Variants in IKZF2 observed in about 807,000 individuals in gnomAD.
The protein encoded by IKZF2 is zinc finger protein Helios.
In IKZF2, 15 loss-of-function variants were observed where a neutral mutation model predicts 49.2. That is an observed-to-expected ratio of 0.30 (90% confidence interval 0.20 to 0.47). The LOEUF is 0.47. Ranked by LOEUF, IKZF2 falls within the 20% of genes least tolerant of loss-of-function variation. IKZF2 has a pLI of 1.00. For missense variants in IKZF2, 567 were observed against 664.6 expected (o/e 0.85, Z 1.61); for synonymous variants, 227 against 221.4 (o/e 1.03, Z -0.23).
chr2:213,122,982 C>T (rs990497616), intron 4 of IKZF2, among the ~76,000 whole-genome samples: 1 of 152,148 alleles, frequency 6.6e-6, no homozygotes, highest in Non-Finnish European at 1.5e-5. Context: ...ATATGCTTCC[C>T]GGCACAATTC....
intron 4 of IKZF2, among the ~76,000 whole-genome samples, chr2:213,127,197 A>G (rs1403356910): frequency 6.6e-6 from 1 of 152,208 alleles, no homozygotes; most frequent in Non-Finnish European, 1.5e-5. Context: ...GAAAACTGTA[A>G]ATAAAATGGG....
intron 4 of IKZF2, among the ~76,000 whole-genome samples, chr2:213,117,913 C>T (rs2059929788): frequency 6.6e-6 from 1 of 152,112 alleles, no homozygotes; most frequent in Non-Finnish European, 1.5e-5. Flanking sequence ...TCTTTAACCC[C>T]TTCATTTTAT....
At position 213,128,808 on chromosome 2, in the gene IKZF2, T is replaced by TC. The variant is rs1453120573; in HGVS notation, c.139+18899_139+18900insG. On this transcript the variant is annotated intron_variant, in intron 4 of 8. Transcript: ENST00000434687. The stretch of plus-strand genomic sequence containing the variant: ...ACACCACACTAATTTTTTTTTCTTT[T>TC]TTTTTTTTTTTTTTTGTATTTTTAG... Among the ~76,000 whole-genome samples the TC allele has an allele frequency of 5.5e-5, 8 of 145,534 alleles. No homozygotes were observed. The East Asian group carries it at 7.9e-4, about 14-fold the overall frequency.
chr2:213,034,487 CA>C (rs1216023744), intron 6 of IKZF2, among the ~76,000 whole-genome samples: 1 of 152,040 alleles, frequency 6.6e-6, no homozygotes, highest in Non-Finnish European at 1.5e-5. Context: ...GGCCATTGTA[CA>C]GTTATTAAGT....
chr2:213,105,296 T>C (rs924754026), intron 4 of IKZF2, among the ~76,000 whole-genome samples: 8 of 152,076 alleles, frequency 5.3e-5, no homozygotes, highest in African/African-American at 1.9e-4. Context: ...GAAGATCCAA[T>C]CCTCTTCTCC....
In IKZF2 at chr2:213,071,296, A is replaced by G. The variant is rs549470573; in HGVS notation, c.140-14197T>C. 3.3e-5 allele frequency among the ~76,000 whole-genome samples: 5 copies of G among 152,328 alleles called. No individual in the cohort carries two copies. The East Asian group carries it at 9.6e-4, about 29-fold the overall frequency. The stretch of plus-strand genomic sequence containing the variant: ...TATCTGAATATTACGGAATAAAAAT[A>G]TACAACATTTAAAAACACAAGCTCA... On this transcript the variant is annotated intron_variant, in intron 4 of 8. Coordinates refer to ENST00000434687, the MANE Select transcript of IKZF2 (RefSeq NM_001387220.1).
intron 5 of IKZF2, among the ~76,000 whole-genome samples, chr2:213,056,175 T>C (rs1701133888): frequency 6.6e-6 from 1 of 152,180 alleles, no homozygotes; most frequent in Non-Finnish European, 1.5e-5. Context: ...TGTTTAAAAA[T>C]ATAGTATGAA....
At position 213,001,909 on chromosome 2, in the gene IKZF2, A is replaced by C. The variant is rs1322142234; in HGVS notation, c.*5451T>G. 1 of 151,916 alleles carries C rather than the reference A, an allele frequency of 6.6e-6. No individual in the cohort carries two copies. Among genetic ancestry groups the C allele is most frequent in the Non-Finnish European group, 1.5e-5 (1 of 67,594 alleles). The allele number at this position is 151,916 out of a possible 1,614,324, so 9.4% of individuals were successfully genotyped here. Reference sequence around the variant, plus strand: ...AAAAACAAGAATAAAACAACAAAAAAACCCAGATCCCTTCCCTTGTTACAG... The same window carrying C: ...AAAAACAAGAATAAAACAACAAAAACACCCAGATCCCTTCCCTTGTTACAG... On this transcript the variant is annotated 3_prime_UTR_variant, in exon 9 of 9. Transcript: ENST00000434687.
At chr2:213,084,195 C>T (rs1214660300) in intron 4 of IKZF2, among the ~76,000 whole-genome samples, 3 of 152,138 alleles carry the variant, frequency 2.0e-5, no homozygotes, top group Non-Finnish European at 4.4e-5. Flanking sequence ...CCAAACCTGT[C>T]ACTTACCAGC....
At chr2:213,042,465 T>C (rs1252417084) in intron 6 of IKZF2, among the ~76,000 whole-genome samples, 1 of 152,232 alleles carries the variant, frequency 6.6e-6, no homozygotes, top group South Asian at 2.1e-4. Context: ...TTGAGCTGTA[T>C]GTGTAGTCAC....
At chr2:213,089,435 T>A (rs1325073855) in intron 4 of IKZF2, among the ~76,000 whole-genome samples, 1 of 152,130 alleles carries the variant, frequency 6.6e-6, no homozygotes. Flanking sequence ...ACTCTCCACA[T>A]GGGACCCAGA....
chr2:213,055,123 C>A (rs956084604), intron 5 of IKZF2, among the ~76,000 whole-genome samples: 3 of 151,824 alleles, frequency 2.0e-5, no homozygotes, highest in Admixed American at 2.0e-4. Flanking sequence ...GCATGCAATT[C>A]AACTGAAAAG....
intron 6 of IKZF2, among the ~76,000 whole-genome samples, chr2:213,041,751 T>G (rs1699681290): frequency 6.6e-6 from 1 of 152,200 alleles, no homozygotes; most frequent in Non-Finnish European, 1.5e-5. Flanking sequence ...TCTTAGACAC[T>G]TCAAGGCTAT....
At chr2:213,063,807 A>G (rs1701922249) in intron 4 of IKZF2, among the ~76,000 whole-genome samples, 1 of 152,006 alleles carries the variant, frequency 6.6e-6, no homozygotes, top group Non-Finnish European at 1.5e-5. Context: ...TCTCCAATGA[A>G]ACAAGTAACT....
intron 4 of IKZF2, among the ~76,000 whole-genome samples, chr2:213,145,702 G>C (rs564592518): frequency 1.5e-4 from 23 of 152,166 alleles, no homozygotes; most frequent in Non-Finnish European, 2.6e-4. Context: ...ACTGTAAATA[G>C]AGGCTACATA....
At chr2:213,054,072 T>C (rs1304422854) in intron 5 of IKZF2, among the ~76,000 whole-genome samples, 3 of 152,042 alleles carry the variant, frequency 2.0e-5, no homozygotes, top group East Asian at 1.9e-4. Flanking sequence ...GGTGAAACCC[T>C]GTCTCTACTA....
intron 8 of IKZF2, among the ~76,000 whole-genome samples, chr2:213,011,932 T>C (rs1012718437): frequency 2.0e-5 from 3 of 151,884 alleles, no homozygotes; most frequent in Admixed American, 6.6e-5. Context: ...GGCAAGAATA[T>C]TGGCAAGAGA....
rs1704581135 is a variant in IKZF2 at position 213,086,248 on chromosome 2, G to A, written c.140-29149C>T. Among the ~76,000 whole-genome samples, 2 of 152,078 alleles carry A rather than the reference G, an allele frequency of 1.3e-5. 1 individual carries two copies. The highest frequency in any genetic ancestry group is 4.1e-4 in the South Asian group (2 of 4,830). On this transcript the variant is annotated intron_variant, in intron 4 of 8. Coordinates refer to ENST00000434687, the MANE Select transcript of IKZF2 (RefSeq NM_001387220.1). Reference sequence around the variant, plus strand: ...TCCATGTGAGCATGTAGAATCCAGGGAAAGAATCCCTGGAATGCTGTAACT... The same window carrying A: ...TCCATGTGAGCATGTAGAATCCAGGAAAAGAATCCCTGGAATGCTGTAACT...
At position 213,004,908 on chromosome 2, in the gene IKZF2, C is replaced by T. The variant is rs1480210884; in HGVS notation, c.*2452G>A. The T allele has an allele frequency of 6.6e-6, 1 of 152,156 alleles. No individual in the cohort carries two copies. The highest frequency in any genetic ancestry group is 1.5e-5 in the Non-Finnish European group (1 of 67,896). The allele number at this position is 152,156 out of a possible 1,614,324, so 9.4% of individuals were successfully genotyped here. On this transcript the variant is annotated 3_prime_UTR_variant, in exon 9 of 9. Coordinates refer to ENST00000434687, the MANE Select transcript of IKZF2 (RefSeq NM_001387220.1). ...AGATGAAATCAGAAAAGGAAAGTGCCTCAGCACTGTCTTCATAAGGTTTAG... is the reference window on the plus strand; with the variant it reads ...AGATGAAATCAGAAAAGGAAAGTGCTTCAGCACTGTCTTCATAAGGTTTAG...
Sources: gnomAD v4.1 joint callset for allele counts (sites outside exome capture counted in the v4.1 genomes callset) on GRCh38, gnomAD v4.1.1 for gene constraint, MANE v1.5 for transcripts, NCBI Gene and HGNC (gene_info 2026-07-23, HGNC 2026-07-21) for gene names.